EIF4G3: variants seen among roughly 807,000 people sequenced by gnomAD.
The protein encoded by EIF4G3 is eukaryotic translation initiation factor 4 gamma 3.
EIF4G3 carries 34 observed loss-of-function variants against 186.4 expected under a neutral mutation model. The ratio of observed to expected loss-of-function variants is 0.18; its 90% CI spans 0.14 to 0.24. The LOEUF is 0.24. EIF4G3 is among the 10% of genes least tolerant of loss of function. The pLI, the probability that EIF4G3 is intolerant of heterozygous loss-of-function variation, is 1.00. For missense variants in EIF4G3, 1,536 were observed against 1,948.5 expected (o/e 0.79, Z 3.99); for synonymous variants, 673 against 679.5 (o/e 0.99, Z 0.15).
chr1:20,865,754 T>G (rs1004120069), intron 20 of EIF4G3, among the ~76,000 whole-genome samples: 17 of 152,300 alleles, frequency 1.1e-4, no homozygotes, highest in Admixed American at 7.8e-4. Context: ...ATTTTTGAGA[T>G]ATCTTTTCAT....
chr1:21,083,037 C>CAAAAAAAAAAAAAAAAAAAAAAAAAA (rs544781256), intron 3 of EIF4G3, among the ~76,000 whole-genome samples: 1 of 66,424 alleles, frequency 1.5e-5, no homozygotes. Context: ...GACTCTGTCT[C>CAAAAAAAAAAAAAAAAAAAAAAAAAA]AAAAAAAAAA....
chr1:20,924,983 G>A (rs2094777012), intron 14 of EIF4G3, among the ~76,000 whole-genome samples: 2 of 152,114 alleles, frequency 1.3e-5, no homozygotes, highest in African/African-American at 4.8e-5. Flanking sequence ...CACAACAAAC[G>A]AGGAAAAACT....
chr1:20,957,475 G>C (rs1187120542), intron 12 of EIF4G3, among the ~76,000 whole-genome samples: 1 of 147,372 alleles, frequency 6.8e-6, no homozygotes, highest in African/African-American at 2.5e-5. Context: ...CATACCTCAA[G>C]GAATTAGAAA....
intron 34 of EIF4G3, among the ~76,000 whole-genome samples, chr1:20,815,649 TG>T (rs769275151): frequency 0.33 from 41,902 of 126,712 alleles, 5,633 homozygotes; most frequent in Non-Finnish European, 0.38. Context: ...GGGAGGGAGG[TG>T]GGGGGGGGTC....
At chr1:20,872,162 A>G (rs1426324683) in intron 20 of EIF4G3, among the ~76,000 whole-genome samples, 1 of 151,988 alleles carries the variant, frequency 6.6e-6, no homozygotes, top group Non-Finnish European at 1.5e-5. Context: ...TTGCTCTGTC[A>G]CCCAGGCTAG....
intron 2 of EIF4G3, among the ~76,000 whole-genome samples, chr1:21,151,236 C>CTTTTCT (rs1553303495): frequency 3.7e-5 from 3 of 80,410 alleles, no homozygotes; most frequent in African/African-American, 4.8e-5. Context: ...GTATTTCTTT[C>CTTTTCT]TTTTTTTTTT....
intron 3 of EIF4G3, among the ~76,000 whole-genome samples, chr1:21,062,481 A>C (rs2094969503): frequency 6.6e-6 from 1 of 152,244 alleles, no homozygotes; most frequent in Admixed American, 6.5e-5. Context: ...AAAGGTGACT[A>C]AGGAACAATC....
intron 2 of EIF4G3, among the ~76,000 whole-genome samples, chr1:21,108,400 T>A (rs1401130695): frequency 6.6e-6 from 1 of 152,106 alleles, no homozygotes; most frequent in Non-Finnish European, 1.5e-5. Flanking sequence ...GTCTTTTCAC[T>A]CATCATTAGT....
At chr1:20,932,391 G>C (rs1187758826) in intron 14 of EIF4G3, among the ~76,000 whole-genome samples, 2 of 152,090 alleles carry the variant, frequency 1.3e-5, no homozygotes, top group African/African-American at 2.4e-5. Context: ...CTTCCTTCAA[G>C]AACTTTTCCT....
chr1:20,827,188 T>TA (rs1403662300), intron 32 of EIF4G3, among the ~76,000 whole-genome samples: 8 of 152,228 alleles, frequency 5.3e-5, no homozygotes, highest in African/African-American at 1.9e-4. Flanking sequence ...CCAAACCTCT[T>TA]AGACTTCTAA....
intron 2 of EIF4G3, among the ~76,000 whole-genome samples, chr1:21,159,059 C>T (rs2097712720): frequency 6.6e-6 from 1 of 152,050 alleles, no homozygotes; most frequent in Admixed American, 6.6e-5. Context: ...AAGAAGGAAT[C>T]CTTTCTAACT....
At position 20,888,377 on chromosome 1, in the gene EIF4G3, G is replaced by A. The variant is rs554959776; in HGVS notation, c.2254-2006C>T. On this transcript the variant is annotated intron_variant, in intron 18 of 36. Coordinates refer to ENST00000602326, the MANE Select transcript of EIF4G3 (RefSeq NM_001391906.1). The stretch of plus-strand genomic sequence containing the variant: ...CAAGAAAAAATTTTAAATTATAATT[G>A]TATCTCTGGTTATAACTAAGATAAA... 3.3e-5 allele frequency among the ~76,000 whole-genome samples: 5 copies of A among 152,262 alleles called. No individual in the cohort carries two copies. The South Asian group carries it at 1.0e-3, about 32-fold the overall frequency.
intron 12 of EIF4G3, among the ~76,000 whole-genome samples, chr1:20,951,795 C>T (rs554236391): frequency 6.6e-6 from 1 of 152,016 alleles, no homozygotes; most frequent in African/African-American, 2.4e-5. Context: ...ACAAAAATGA[C>T]ATTCAAAGAA....
intron 2 of EIF4G3, among the ~76,000 whole-genome samples, chr1:21,124,969 T>C (rs1342802529): frequency 1.3e-5 from 2 of 152,200 alleles, no homozygotes; most frequent in Non-Finnish European, 2.9e-5. Flanking sequence ...CAATTAACTG[T>C]TTCAACACAT....
intron 13 of EIF4G3, among the ~76,000 whole-genome samples, chr1:20,945,771 C>G (rs1317573230): frequency 2.0e-5 from 3 of 152,192 alleles, no homozygotes; most frequent in Non-Finnish European, 4.4e-5. Context: ...AGGCGTGAGC[C>G]ACTGCATCTG....
chr1:21,039,781 G>A (rs945064535), intron 4 of EIF4G3, among the ~76,000 whole-genome samples: 3 of 152,126 alleles, frequency 2.0e-5, no homozygotes, highest in African/African-American at 7.2e-5. Context: ...TTGATATCCA[G>A]AACATATAAA....
chr1:20,991,423 TA>T (rs1258906819), intron 7 of EIF4G3, among the ~76,000 whole-genome samples: 1 of 151,964 alleles, frequency 6.6e-6, no homozygotes, highest in Non-Finnish European at 1.5e-5. Context: ...CAAAAGTTAG[TA>T]GGGTGTGGTA....
At chr1:21,144,202 T>C (rs1258406881) in intron 2 of EIF4G3, among the ~76,000 whole-genome samples, 1 of 152,174 alleles carries the variant, frequency 6.6e-6, no homozygotes, top group Admixed American at 6.5e-5. Flanking sequence ...CTTTGGGAGA[T>C]AACATCCCTC....
chr1:21,085,739 G>A (rs1452607152), intron 3 of EIF4G3, among the ~76,000 whole-genome samples: 7 of 151,806 alleles, frequency 4.6e-5, no homozygotes, highest in African/African-American at 7.3e-5. Flanking sequence ...TCACTCTGGC[G>A]CCAGGCTGGA....
Sources: allele counts gnomAD v4.1 joint callset (sites outside exome capture counted in the v4.1 genomes callset), GRCh38; gene constraint gnomAD v4.1.1; transcripts MANE v1.5; gene names NCBI Gene and HGNC (gene_info 2026-07-23, HGNC 2026-07-21).